Variants in DDAH1 observed in about 807,000 individuals in gnomAD.
DDAH1 encodes N(G),N(G)-dimethylarginine dimethylaminohydrolase 1.
A neutral mutation model predicts 28.8 loss-of-function variants in DDAH1; 19 were observed. The observed-to-expected ratio is 0.66, with a 90% CI of 0.46 to 0.97. DDAH1 has a LOEUF of 0.97. DDAH1 is among the 50% of genes least tolerant of loss of function. DDAH1 has a pLI of 0.00. For missense variants in DDAH1, 326 were observed against 375.9 expected, an observed-to-expected ratio of 0.87 and a Z score of 1.10; for synonymous variants, 153 against 154.4, an observed-to-expected ratio of 0.99 and a Z score of 0.07.
chr1:85,447,133 C>T (rs1009593580), intron 1 of DDAH1, among the ~76,000 whole-genome samples: 2 of 152,214 alleles, frequency 1.3e-5, no homozygotes, highest in Non-Finnish European at 2.9e-5. Context: ...ACACCAATCA[C>T]TGCCTGCCTA....
intron 1 of DDAH1, among the ~76,000 whole-genome samples, chr1:85,361,951 T>C (rs1399854723): frequency 6.6e-6 from 1 of 152,220 alleles, no homozygotes; most frequent in Non-Finnish European, 1.5e-5. Flanking sequence ...TGAATAAATA[T>C]TGTATTTTTT....
intron 4 of DDAH1, among the ~76,000 whole-genome samples, chr1:85,339,599 T>C (rs975023732): frequency 2.0e-5 from 3 of 152,226 alleles, no homozygotes; most frequent in Non-Finnish European, 2.9e-5. Context: ...TTAATGTGTT[T>C]CTTTTGCATG....
chr1:85,464,674 A>C lies in DDAH1; in HGVS notation c.303+69T>G. On this transcript the variant is annotated intron_variant, in intron 1 of 5. Coordinates refer to ENST00000284031, the MANE Select transcript of DDAH1 (RefSeq NM_012137.4). The surrounding 1 kb of genome is among the most constrained non-coding windows in gnomAD (Gnocchi z 4.4). ...GGGCCAATGGCGCGACTCCCCAGGC[A>C]ACACGGCGGCCGGCGGCGGGGGAGG... is the stretch of plus-strand genomic sequence containing the variant. 3.5e-6 allele frequency: 5 copies of C among 1,433,762 alleles called. No homozygotes were observed. In the South Asian group the frequency reaches 7.3e-5, roughly 21 times the overall value. 88.8% of individuals were successfully genotyped at this position (1,433,762 alleles called of 1,614,324 possible).
intron 1 of DDAH1, among the ~76,000 whole-genome samples, chr1:85,460,566 C>G (rs1368554594): frequency 6.6e-6 from 1 of 152,086 alleles, no homozygotes; most frequent in Non-Finnish European, 1.5e-5. Context: ...AAGGAGCAAT[C>G]CTAGTCAACA....
intron 1 of DDAH1, among the ~76,000 whole-genome samples, chr1:85,545,487 T>C (rs1267256067): frequency 2.6e-5 from 4 of 152,212 alleles, no homozygotes; most frequent in African/African-American, 7.2e-5. Flanking sequence ...AATTTTGCAA[T>C]TGCAGTGGCA....
chr1:85,451,773 G>A (rs1157326779), intron 1 of DDAH1, among the ~76,000 whole-genome samples: 2 of 152,174 alleles, frequency 1.3e-5, no homozygotes, highest in Non-Finnish European at 2.9e-5. Context: ...CTGGGAGCAG[G>A]TGGGCAGTTC....
At chr1:85,488,970 A>G (rs1212570211) in intron 2 of DDAH1, among the ~76,000 whole-genome samples, 3 of 152,234 alleles carry the variant, frequency 2.0e-5, no homozygotes, top group African/African-American at 7.2e-5. Context: ...TTGAAAATGC[A>G]AATTAATAGA....
chr1:85,415,943 G>A (rs1652867931), intron 1 of DDAH1, among the ~76,000 whole-genome samples: 1 of 151,996 alleles, frequency 6.6e-6, no homozygotes, highest in Admixed American at 6.5e-5. Context: ...ATTTTAAAAT[G>A]AATCAAATTC....
intron 1 of DDAH1, among the ~76,000 whole-genome samples, chr1:85,457,940 T>G (rs139339865): frequency 0.017 from 2,528 of 152,230 alleles, 63 homozygotes; most frequent in East Asian, 0.11. Flanking sequence ...CCGCCCACCT[T>G]GGCCTCCCAA....
chr1:85,407,876 C>T (rs890100219), intron 1 of DDAH1, among the ~76,000 whole-genome samples: 2 of 152,246 alleles, frequency 1.3e-5, no homozygotes, highest in East Asian at 3.9e-4. Flanking sequence ...TCAAAAAGCT[C>T]GGCTCTTTTG....
chr1:85,465,252 G>A (rs1216321444), upstream of DDAH1: 3 of 1,078,946 alleles, frequency 2.8e-6, no homozygotes. Context: ...CATCCCGCGC[G>A]CCCACTCCGG....
chr1:85,476,000 C>T (rs1226200769), intron 2 of DDAH1, among the ~76,000 whole-genome samples: 4 of 152,084 alleles, frequency 2.6e-5, no homozygotes, highest in Non-Finnish European at 5.9e-5. Flanking sequence ...TAGAGGTGCA[C>T]GCCACCACAC....
At chr1:85,404,307 C>CAGTTT (rs1652298467) in intron 1 of DDAH1, 1 of 1,438,916 alleles carries the variant, frequency 6.9e-7, no homozygotes, top group Non-Finnish European at 9.4e-7. Flanking sequence ...GAAACTTCTG[C>CAGTTT]CTGTAGGATT....
intron 4 of DDAH1, among the ~76,000 whole-genome samples, chr1:85,328,117 C>T (rs1009728343): frequency 3.3e-5 from 5 of 152,110 alleles, no homozygotes; most frequent in Admixed American, 1.3e-4. Context: ...CTAAAATCAA[C>T]AAGGCCAAGG....
chr1:85,370,704 G>A (rs1650335300), intron 1 of DDAH1, among the ~76,000 whole-genome samples: 1 of 152,198 alleles, frequency 6.6e-6, no homozygotes, highest in African/African-American at 2.4e-5. Flanking sequence ...TGGTGGATTG[G>A]ATGTGGGGGT....
At chr1:85,365,336 T>C (rs1011398461) in intron 1 of DDAH1, among the ~76,000 whole-genome samples, 2 of 152,212 alleles carry the variant, frequency 1.3e-5, no homozygotes, top group Admixed American at 1.3e-4. Flanking sequence ...CAGATTATGT[T>C]CACTATTATT....
At chr1:85,386,731 T>C (rs1570468295) in intron 1 of DDAH1, among the ~76,000 whole-genome samples, 1 of 152,082 alleles carries the variant, frequency 6.6e-6, no homozygotes, top group Non-Finnish European at 1.5e-5. Flanking sequence ...ACCCTACATT[T>C]CCCTGCCACA....
intron 1 of DDAH1, among the ~76,000 whole-genome samples, chr1:85,551,064 G>A (rs1026984276): frequency 1.3e-5 from 2 of 152,182 alleles, no homozygotes; most frequent in Non-Finnish European, 2.9e-5. Flanking sequence ...CACAATGTCA[G>A]GAAGGATTTT....
In DDAH1 at chr1:85,464,349, G is replaced by T; in HGVS notation, c.303+394C>A. ...GTCACGACTGGCGCTGCCCCCTGGA[G>T]GGACGCCCAGCCTCCACCCGCCCTA... On this transcript the variant is annotated intron_variant, in intron 1 of 5. Transcript: ENST00000284031. The surrounding 1 kb of genome is among the most constrained non-coding windows in gnomAD (Gnocchi z 4.4). 2 of 604,498 alleles carry T rather than the reference G, an allele frequency of 3.3e-6. No individual in the cohort carries two copies. The highest frequency in any genetic ancestry group is 1.7e-5 in the South Asian group (1 of 58,470). 37.4% of individuals were successfully genotyped at this position (604,498 alleles called of 1,614,324 possible). A position where few individuals can be genotyped will look rare whatever the true frequency, so the allele number is the denominator to read the frequency against.
Sources: allele counts gnomAD v4.1 joint callset (sites outside exome capture counted in the v4.1 genomes callset), GRCh38; gene constraint gnomAD v4.1.1; non-coding constraint Gnocchi (gnomAD v3.1); transcripts MANE v1.5; gene names NCBI Gene and HGNC (gene_info 2026-07-23, HGNC 2026-07-21).